The following CFAP20DC variants were observed in gnomAD, a reference collection of about 807,000 sequenced individuals.
CFAP20DC encodes the protein protein CFAP20DC.
Under a neutral mutation model 101.7 loss-of-function variants are expected in CFAP20DC, and 84 were observed. That is an observed-to-expected ratio of 0.83 (90% confidence interval 0.69 to 0.99). The LOEUF is 0.99. Among genes scored for constraint, CFAP20DC ranks in the 50% least tolerant of loss-of-function variants. The pLI is 0.00. For missense variants in CFAP20DC, 1,007 were observed against 970.3 expected, an observed-to-expected ratio of 1.04 and a Z score of -0.50; for synonymous variants, 359 against 351.2, an observed-to-expected ratio of 1.02 and a Z score of -0.25.
Position 58,924,477 on chromosome 3 carries a change from T to C in CFAP20DC, c.394-10613A>G, listed in dbSNP as rs566555016. 3.7e-4 allele frequency among the ~76,000 whole-genome samples: 57 copies of C among 152,320 alleles called. 1 individual carries two copies. The highest frequency in any genetic ancestry group is 1.3e-3 in the African/African-American group (55 of 41,588). On this transcript the variant is annotated intron_variant, in intron 5 of 16. Transcript: ENST00000482387. Reference sequence around the variant, plus strand: ...ACATTTTCTTTACCCAATCATCTGATGATGGACACTTAGGTTGATTCCATG... The same window carrying C: ...ACATTTTCTTTACCCAATCATCTGACGATGGACACTTAGGTTGATTCCATG...
chr3:58,933,787 A>C (rs1331445402), intron 5 of CFAP20DC, among the ~76,000 whole-genome samples: 2 of 151,994 alleles, frequency 1.3e-5, no homozygotes, highest in Non-Finnish European at 2.9e-5. Context: ...GTAGAGGGAA[A>C]TTTATAGCAC....
intron 13 of CFAP20DC, among the ~76,000 whole-genome samples, chr3:58,839,160 C>T (rs536154655): frequency 6.6e-6 from 1 of 152,292 alleles, no homozygotes; most frequent in South Asian, 2.1e-4. Flanking sequence ...TGCTTTTGCA[C>T]ATTAAAATAC....
chr3:58,829,619 T>C (rs2076263829), intron 14 of CFAP20DC, among the ~76,000 whole-genome samples: 1 of 152,164 alleles, frequency 6.6e-6, no homozygotes, highest in Admixed American at 6.5e-5. Flanking sequence ...ATTTTCTCTG[T>C]CTAAAAAATA....
intron 12 of CFAP20DC, among the ~76,000 whole-genome samples, chr3:58,857,853 A>T (rs1461837403): frequency 2.0e-5 from 3 of 152,198 alleles, no homozygotes; most frequent in East Asian, 3.8e-4. Flanking sequence ...TTGCATTGTT[A>T]TGAGAAGAAG....
At chr3:58,808,790 A>T (rs2074345694) in intron 14 of CFAP20DC, among the ~76,000 whole-genome samples, 1 of 152,182 alleles carries the variant, frequency 6.6e-6, no homozygotes, top group Non-Finnish European at 1.5e-5. Context: ...AAGAGTCAAG[A>T]CCCATCAGTG....
intron 4 of CFAP20DC, among the ~76,000 whole-genome samples, chr3:58,948,115 A>C (rs1241685506): frequency 6.6e-6 from 1 of 152,246 alleles, no homozygotes; most frequent in African/African-American, 2.4e-5. Context: ...CAAACTGTCA[A>C]GTGCAGCTGA....
At chr3:58,988,861 G>GA (rs1299830015) in intron 4 of CFAP20DC, among the ~76,000 whole-genome samples, 3 of 152,034 alleles carry the variant, frequency 2.0e-5, no homozygotes, top group Admixed American at 1.3e-4. Context: ...GAAGCCTGAA[G>GA]AAAAAATGAT....
chr3:58,748,927 AC>A (rs1358933537), intron 16 of CFAP20DC, among the ~76,000 whole-genome samples: 1 of 152,170 alleles, frequency 6.6e-6, no homozygotes, highest in Non-Finnish European at 1.5e-5. Context: ...TAAAGTGGGA[AC>A]ATAATATAAC....
rs2108507893 is a variant in CFAP20DC at position 58,868,268 on chromosome 3, C to T, written c.1016-332G>A. On this transcript the variant is annotated intron_variant, in intron 9 of 16. Coordinates refer to ENST00000482387, the MANE Select transcript of CFAP20DC (RefSeq NM_001394063.1). The surrounding 1 kb of genome is among the most constrained non-coding windows in gnomAD (Gnocchi z 4.6). ...ACTGACAGCCAACACAGAAAAATTA[C>T]TTCTTCCTTTAAAAGAGGAAGTGTC... Among the ~76,000 whole-genome samples, 1 of 152,258 alleles carries T rather than the reference C, an allele frequency of 6.6e-6. No homozygotes were observed. The highest frequency in any genetic ancestry group is 6.5e-5 in the Admixed American group (1 of 15,290).
intron 15 of CFAP20DC, among the ~76,000 whole-genome samples, chr3:58,766,045 C>T (rs2070279235): frequency 6.6e-6 from 1 of 152,132 alleles, no homozygotes; most frequent in South Asian, 2.1e-4. Context: ...AGAACTTATG[C>T]ATCATGGGAT....
intron 14 of CFAP20DC, among the ~76,000 whole-genome samples, chr3:58,821,875 G>T (rs2075675321): frequency 1.5e-5 from 2 of 132,106 alleles, no homozygotes; most frequent in Non-Finnish European, 1.6e-5. Context: ...ATTCACAATA[G>T]CAAAGACTTG....
Position 58,913,447 on chromosome 3 carries a change from G to A in CFAP20DC, c.550+261C>T. The A allele has an allele frequency of 1.7e-6, 1 of 597,180 alleles. No homozygotes were observed. Among genetic ancestry groups the A allele is most frequent in the Non-Finnish European group, 3.0e-6 (1 of 338,354 alleles). 37.0% of individuals were successfully genotyped at this position (597,180 alleles called of 1,614,324 possible). On this transcript the variant is annotated intron_variant, in intron 6 of 16. Coordinates refer to ENST00000482387, the MANE Select transcript of CFAP20DC (RefSeq NM_001394063.1). This position sits in a 1 kb window ranked among gnomAD's most constrained non-coding sequence, Gnocchi z 4.4. ...GGATTATGTTGTTTGTAACTAAGGA[G>A]CCTAAGACAGATAGCAAGTGTTACC...
At chr3:58,991,395 T>A (rs1026526692) in intron 4 of CFAP20DC, among the ~76,000 whole-genome samples, 1 of 152,112 alleles carries the variant, frequency 6.6e-6, no homozygotes, top group Non-Finnish European at 1.5e-5. Flanking sequence ...ATTCACTGAA[T>A]ATTAAATATT....
At chr3:58,808,074 A>C (rs1001654771) in intron 14 of CFAP20DC, among the ~76,000 whole-genome samples, 1 of 152,240 alleles carries the variant, frequency 6.6e-6, no homozygotes, top group African/African-American at 2.4e-5. Flanking sequence ...TGAAAAGACC[A>C]AATCTATGTA....
At chr3:58,934,954 A>T (rs537840371) in intron 5 of CFAP20DC, among the ~76,000 whole-genome samples, 1 of 152,362 alleles carries the variant, frequency 6.6e-6, no homozygotes, top group East Asian at 1.9e-4. Context: ...AATAAGGGGT[A>T]TTCCATTAGG....
At chr3:58,855,897 A>G (rs2078752329) in intron 12 of CFAP20DC, among the ~76,000 whole-genome samples, 1 of 150,818 alleles carries the variant, frequency 6.6e-6, no homozygotes, top group African/African-American at 2.4e-5. Context: ...ATGATGAGTT[A>G]GTGGGTGCAG....
chr3:59,047,400 C>T (rs890645814), intron 1 of CFAP20DC, 146 bp from the exon 2 acceptor site: 9 of 588,616 alleles, frequency 1.5e-5, no homozygotes, highest in African/African-American at 1.5e-4. Flanking sequence ...TACTTTATAC[C>T]TTGATTGTAT....
intron 3 of CFAP20DC, among the ~76,000 whole-genome samples, chr3:59,044,054 G>C (rs560950502): frequency 4.5e-4 from 68 of 152,198 alleles, no homozygotes; most frequent in African/African-American, 1.5e-3. Flanking sequence ...TCAAATACAA[G>C]TTAAATCAGA....
At chr3:58,743,314 C>T (rs1300376827) in intron 16 of CFAP20DC, among the ~76,000 whole-genome samples, 1 of 151,784 alleles carries the variant, frequency 6.6e-6, no homozygotes, top group African/African-American at 2.4e-5. Context: ...TTCCTGAGCA[C>T]CTTTTATGTG....
Sources: gnomAD v4.1 joint callset for allele counts (sites outside exome capture counted in the v4.1 genomes callset) on GRCh38, gnomAD v4.1.1 for gene constraint, Gnocchi (gnomAD v3.1) non-coding constraint, MANE v1.5 for transcripts, NCBI Gene and HGNC (gene_info 2026-07-23, HGNC 2026-07-21) for gene names.